The following GRID2 variants were observed in gnomAD, a reference collection of about 807,000 sequenced individuals.
GRID2 encodes the protein glutamate ionotropic receptor delta type subunit 2, also known as glutamate receptor ionotropic, delta-2.
In GRID2, 33 loss-of-function variants were observed where a neutral mutation model predicts 114.8. That is an observed-to-expected ratio of 0.29 (90% CI 0.22 to 0.38). The LOEUF (loss-of-function observed/expected upper bound fraction) is 0.38, where lower values mean the gene tolerates loss of function less well. GRID2 is among the 10% of genes least tolerant of loss of function. The pLI is 1.00. For synonymous variants in GRID2, 505 were observed against 449.9 expected (o/e 1.12, Z -1.55); for missense variants, 1,184 against 1,257.7 (o/e 0.94, Z 0.89).
At chr4:93,527,498 T>C (rs567975812) in intron 13 of GRID2, among the ~76,000 whole-genome samples, 4 of 152,236 alleles carry the variant, frequency 2.6e-5, no homozygotes, top group Middle Eastern at 3.4e-3. Flanking sequence ...TCTCCTATTA[T>C]ACCTAACATT....
At chr4:92,622,740 A>G (rs1314157914) in intron 2 of GRID2, among the ~76,000 whole-genome samples, 1 of 151,756 alleles carries the variant, frequency 6.6e-6, no homozygotes, top group Non-Finnish European at 1.5e-5. Context: ...TTTTGAGTCT[A>G]AAGCATTAGC....
chr4:92,969,544 T>G (rs1753366246), intron 2 of GRID2, among the ~76,000 whole-genome samples: 1 of 151,806 alleles, frequency 6.6e-6, no homozygotes, highest in Admixed American at 6.6e-5. Flanking sequence ...CTAACATGTA[T>G]TGAGTAATTA....
chr4:93,752,145 A>G (rs554228745), intron 14 of GRID2, among the ~76,000 whole-genome samples: 2 of 152,134 alleles, frequency 1.3e-5, no homozygotes, highest in Admixed American at 6.6e-5. Context: ...CTTTATAATG[A>G]TTATAACAAT....
rs572632290 is a variant in GRID2, at chr4:93,515,653, T to C, written c.2193+242T>C. ...GAATTCCAAAATCAAATACACACAC[T>C]GGTATTTTGTTCAGAAAAGGGTTAA... On this transcript the variant is annotated intron_variant, in intron 13 of 15. Transcript: ENST00000282020. Among the ~76,000 whole-genome samples the C allele has an allele frequency of 9.2e-5, 14 of 152,260 alleles. No individual in the cohort carries two copies. In the South Asian group the frequency reaches 2.9e-3, roughly 32 times the overall value.
intron 7 of GRID2, among the ~76,000 whole-genome samples, chr4:93,237,340 G>T (rs1220388801): frequency 6.6e-6 from 1 of 151,786 alleles, no homozygotes; most frequent in African/African-American, 2.4e-5. Context: ...ATAGTTTATT[G>T]AACTCATCAT....
chr4:93,293,674 C>G (rs940665111), intron 8 of GRID2, among the ~76,000 whole-genome samples: 2 of 152,006 alleles, frequency 1.3e-5, no homozygotes, highest in African/African-American at 4.8e-5. Context: ...ATAAGCAACA[C>G]TACAAAAATA....
At chr4:93,633,887 A>G (rs1419512874) in intron 14 of GRID2, among the ~76,000 whole-genome samples, 1 of 152,122 alleles carries the variant, frequency 6.6e-6, no homozygotes, top group East Asian at 1.9e-4. Context: ...CATTCTGTTC[A>G]CCATTCAGCA....
intron 11 of GRID2, among the ~76,000 whole-genome samples, chr4:93,473,048 T>C (rs941003701): frequency 3.3e-5 from 5 of 152,212 alleles, no homozygotes; most frequent in Non-Finnish European, 7.3e-5. Context: ...CATGTAATGC[T>C]ATTAAAATTA....
intron 13 of GRID2, among the ~76,000 whole-genome samples, chr4:93,622,180 T>G (rs1232956310): frequency 6.6e-6 from 1 of 152,182 alleles, no homozygotes; most frequent in African/African-American, 2.4e-5. Flanking sequence ...GTCTGCAAGT[T>G]GGTTGCAAAG....
intron 5 of GRID2, among the ~76,000 whole-genome samples, chr4:93,211,054 A>G (rs2149474981): frequency 6.6e-6 from 1 of 152,234 alleles, no homozygotes; most frequent in African/African-American, 2.4e-5. Flanking sequence ...TAATGCTTAC[A>G]ATCACTAAAT....
rs571229474 is a variant in GRID2 at position 92,341,103 on chromosome 4, T to C, written c.88+36359T>C. 2.0e-5 allele frequency among the ~76,000 whole-genome samples: 3 copies of C among 152,320 alleles called. 1 individual carries two copies. The South Asian group carries it at 6.2e-4, about 32-fold the overall frequency. On this transcript the variant is annotated intron_variant, in intron 1 of 15. Coordinates refer to ENST00000282020, the MANE Select transcript of GRID2 (RefSeq NM_001510.4). ...TATAAAATGTGTATACTATACAGTA[T>C]ATGGTATACAGTAGATAGTATATAT...
At chr4:92,795,085 C>CA (rs1739797446) in intron 2 of GRID2, among the ~76,000 whole-genome samples, 1 of 151,336 alleles carries the variant, frequency 6.6e-6, no homozygotes, top group African/African-American at 2.4e-5. Flanking sequence ...AGAAGAGGGG[C>CA]AAGATCAGGA....
intron 2 of GRID2, among the ~76,000 whole-genome samples, chr4:92,766,010 T>A (rs1738246299): frequency 6.7e-6 from 1 of 150,014 alleles, no homozygotes; most frequent in African/African-American, 2.5e-5. Flanking sequence ...ATGTAAGTGA[T>A]CCGATTTGCA....
chr4:93,077,693 A>C (rs1729459395), intron 2 of GRID2, among the ~76,000 whole-genome samples: 1 of 152,144 alleles, frequency 6.6e-6, no homozygotes, highest in African/African-American at 2.4e-5. Context: ...GACATTCTGC[A>C]CTCACCGAGT....
chr4:92,856,890 G>T (rs2149430091), intron 2 of GRID2, among the ~76,000 whole-genome samples: 1 of 152,222 alleles, frequency 6.6e-6, no homozygotes, highest in Admixed American at 6.5e-5. Flanking sequence ...CAGTGAGCAA[G>T]TCTGTCAGTA....
At chr4:93,471,786 C>T (rs572378767) in intron 11 of GRID2, among the ~76,000 whole-genome samples, 2 of 135,302 alleles carry the variant, frequency 1.5e-5, no homozygotes, top group South Asian at 4.8e-4. Flanking sequence ...CTGCAACCTC[C>T]GCCTCCTGGG....
chr4:92,783,361 A>G lies in GRID2; in HGVS notation c.244+193075A>G, dbSNP rs570006643. 2.0e-5 allele frequency among the ~76,000 whole-genome samples: 3 copies of G among 152,152 alleles called. 1 individual carries two copies. The highest frequency in any genetic ancestry group is 2.0e-4 in the Admixed American group (3 of 15,242). On this transcript the variant is annotated intron_variant, in intron 2 of 15. Coordinates refer to ENST00000282020, the MANE Select transcript of GRID2 (RefSeq NM_001510.4). ...ATTTGTCAAAGTATTCCAAAATGCT[A>G]GCAAATAAAATCAGAGAATGTTGTA...
chr4:92,830,687 A>T (rs532769086), intron 2 of GRID2, among the ~76,000 whole-genome samples: 1 of 152,320 alleles, frequency 6.6e-6, no homozygotes, highest in African/African-American at 2.4e-5. Flanking sequence ...TGTTGAGTTT[A>T]CTAAGAGATT....
At chr4:92,578,041 T>TTTCTTCTTCTTCTTCTTCTTCTTC (rs201059955) in intron 1 of GRID2, among the ~76,000 whole-genome samples, 5 of 125,768 alleles carry the variant, frequency 4.0e-5, no homozygotes, top group South Asian at 2.9e-4. Context: ...TGAAACTTAG[T>TTTCTTCTTCTTCTTCTTCTTCTTC]TTCTTCTTCT....
Sources: allele counts gnomAD v4.1 joint callset (sites outside exome capture counted in the v4.1 genomes callset), GRCh38; gene constraint gnomAD v4.1.1; transcripts MANE v1.5; gene names NCBI Gene and HGNC (gene_info 2026-07-23, HGNC 2026-07-21).